Variants in DLG5 observed in about 807,000 individuals in gnomAD.
DLG5 encodes discs large MAGUK scaffold protein 5, also known as disks large homolog 5.
A neutral mutation model predicts 189.8 loss-of-function variants in DLG5; 48 were observed. That is an observed-to-expected ratio of 0.25 (90% CI 0.20 to 0.32). The LOEUF is 0.32. Among genes scored for constraint, DLG5 ranks in the 10% least tolerant of loss-of-function variants. The probability of loss-of-function intolerance (pLI) is 1.00; values close to 1 mark genes in which losing one functional copy is unlikely to be tolerated. For missense variants in DLG5, 2,160 were observed against 2,544.7 expected (o/e 0.85, Z 3.25); for synonymous variants, 1,016 against 1,054.1 (o/e 0.96, Z 0.70).
At chr10:77,932,798 C>CTGTCCTGCTT in the DLG5 span, among the ~76,000 whole-genome samples, 3 of 152,344 alleles carry the variant, frequency 2.0e-5, no homozygotes, top group East Asian at 5.8e-4. Context: ...GAGCTCCACC[C>CTGTCCTGCTT]TGTCCTGCTT....
chr10:77,885,312 C>A (rs10762767), intron 1 of DLG5, among the ~76,000 whole-genome samples: 41,911 of 152,050 alleles, frequency 0.28, 6,431 homozygotes, highest in Non-Finnish European at 0.35. Context: ...CAAGCAAAAT[C>A]TGGACACACA....
chr10:77,902,352 T>C (rs1845950743), intron 1 of DLG5, among the ~76,000 whole-genome samples: 1 of 152,174 alleles, frequency 6.6e-6, no homozygotes, highest in Non-Finnish European at 1.5e-5. Context: ...CAGCAATTTG[T>C]ATCAACAGCC....
At position 77,922,799 on chromosome 10, in the gene DLG5, C is replaced by T. The variant is rs978625757; in HGVS notation, c.304+3418G>A. Among the ~76,000 whole-genome samples the T allele has an allele frequency of 1.4e-3, 214 of 152,218 alleles. 1 individual carries two copies. The highest frequency in any genetic ancestry group is 4.9e-3 in the African/African-American group (204 of 41,452). On this transcript the variant is annotated intron_variant, in intron 1 of 31. Transcript: ENST00000372391. ...GCCCTATCAATACCGGAATAAGAGC[C>T]ACACCTCCAACAAAAAAACCACAAC...
Position 77,796,247 on chromosome 10 carries a change from G to T in DLG5, c.5309-59C>A. 3.7e-6 allele frequency: 6 copies of T among 1,612,312 alleles called. No individual in the cohort carries two copies. Among genetic ancestry groups the T allele is most frequent in the Non-Finnish European group, 5.1e-6 (6 of 1,179,338 alleles). ...CAGGCCCTGCTGAGCCCCAGCAGAG[G>T]GAGCAGGGGAAGAACACTGCTCAGC... is the stretch of plus-strand genomic sequence containing the variant. On this transcript the variant is annotated intron_variant, in intron 28 of 31. Transcript: ENST00000372391. This position sits in a 1 kb window ranked among gnomAD's most constrained non-coding sequence, Gnocchi z 5.2.
At position 77,819,374 on chromosome 10, in the gene DLG5, G is replaced by C; in HGVS notation, c.3618C>G (p.Pro1206=). 6.2e-7 allele frequency: 1 copy of C among 1,614,156 alleles called. No individual in the cohort carries two copies. Among genetic ancestry groups the C allele is most frequent in the Non-Finnish European group, 8.5e-7 (1 of 1,180,038 alleles). Residue 1206 remains proline, a synonymous_variant, in exon 17 of 32, where the codon CCC becomes CCG. Transcript: ENST00000372391. ...IYTVRSHRVG[P]CSSPPAARDA... ...CTCGGGCCGCAGGTGGAGAGCTGCA[G>C]GGGCCGACCCTGTGACTGCGCACAG...
intron 13 of DLG5, among the ~76,000 whole-genome samples, chr10:77,828,174 T>C (rs1564521981): frequency 6.6e-6 from 1 of 152,210 alleles, no homozygotes; most frequent in Non-Finnish European, 1.5e-5. Context: ...GAATGTTAAA[T>C]GTAGAGAACT....
intron 15 of DLG5, 145 bp from the exon 16 acceptor site, chr10:77,820,163 T>C (rs1410443666): frequency 8.9e-7 from 1 of 1,122,744 alleles, no homozygotes; most frequent in African/African-American, 1.6e-5. Context: ...CTGGCCAACA[T>C]GGCGAAATCC....
In DLG5 at chr10:77,822,018, G is replaced by A. The variant is rs76130326; in HGVS notation, c.2466C>T (p.Ala822=). Residue 822 remains alanine, a synonymous_variant, in exon 15 of 32, where the codon GCC becomes GCT. Transcript: ENST00000372391. The part of the protein sequence containing the change: ...KDSDKMLSFR[A]HGPEVQAHNK... ...TATGAGCCTGGACCTCCGGGCCATG[G>A]GCTCGAAAACTCAGCATCTTATCAG... 1,747 of 1,614,222 alleles carry A rather than the reference G, an allele frequency of 1.1e-3. 21 individuals are homozygous for A. The East Asian group carries it at 0.027, about 25-fold the overall frequency.
intron 1 of DLG5, among the ~76,000 whole-genome samples, chr10:77,877,382 T>C (rs1235754033): frequency 6.6e-6 from 1 of 151,824 alleles, no homozygotes; most frequent in Non-Finnish European, 1.5e-5. Flanking sequence ...AAAGGAAAGA[T>C]GGAAGTTTGT....
intron 5 of DLG5, chr10:77,845,171 T>G (rs1470138989): frequency 6.6e-6 from 1 of 152,182 alleles, no homozygotes; most frequent in Non-Finnish European, 1.5e-5. Context: ...GAAGATGAGT[T>G]AAGAGGTTGC....
chr10:77,880,962 CTTTTTTTTTT>C (rs61636782), intron 1 of DLG5, among the ~76,000 whole-genome samples: 10 of 73,278 alleles, frequency 1.4e-4, no homozygotes, highest in South Asian at 6.4e-4. Flanking sequence ...AACCCTAGAC[CTTTTTTTTTT>C]TTTTTTTTTT....
chr10:77,812,117 C>G (rs1338653717), intron 21 of DLG5, 60 bp from the exon 22 acceptor site: 2 of 1,599,556 alleles, frequency 1.3e-6, no homozygotes, highest in Non-Finnish European at 1.7e-6. Flanking sequence ...GGGAGGAGGC[C>G]CTGGGGACTT....
chr10:77,912,688 T>C (rs538047367), intron 1 of DLG5: 1 of 152,238 alleles, frequency 6.6e-6, no homozygotes, highest in Non-Finnish European at 1.5e-5. Context: ...CTATGTGTCT[T>C]TTTTAAAAGC....
chr10:77,833,607 T>C (rs1842980211), intron 9 of DLG5, among the ~76,000 whole-genome samples: 1 of 152,228 alleles, frequency 6.6e-6, no homozygotes, highest in Admixed American at 6.5e-5. Flanking sequence ...AACACATGCA[T>C]GCCTGCCCCA....
intron 1 of DLG5, among the ~76,000 whole-genome samples, chr10:77,923,505 C>A (rs1219189832): frequency 1.3e-5 from 2 of 152,234 alleles, no homozygotes; most frequent in African/African-American, 2.4e-5. Context: ...CGCCTGTAAT[C>A]CCAACACTTT....
intron 7 of DLG5, among the ~76,000 whole-genome samples, chr10:77,838,260 C>CT (rs1843246607): frequency 6.6e-6 from 1 of 152,166 alleles, no homozygotes; most frequent in African/African-American, 2.4e-5. Context: ...CAGGGCCCGT[C>CT]TAGGAAAGTG....
chr10:77,874,781 G>A (rs1039709845), intron 1 of DLG5, among the ~76,000 whole-genome samples: 5 of 152,120 alleles, frequency 3.3e-5, no homozygotes, highest in Non-Finnish European at 7.3e-5. Context: ...TCGCATAGCC[G>A]GTACTCTAAG....
At chr10:77,807,004 G>A in intron 25 of DLG5, 76 bp from the exon 26 acceptor site, 1 of 1,515,324 alleles carries the variant, frequency 6.6e-7, no homozygotes. Context: ...TCTGTGGCCA[G>A]GCCCCTAAGG....
At chr10:77,815,466 C>T (rs1370346414) in intron 20 of DLG5, among the ~76,000 whole-genome samples, 1 of 152,154 alleles carries the variant, frequency 6.6e-6, no homozygotes, top group African/African-American at 2.4e-5. Flanking sequence ...TCAAGATAAG[C>T]TTGACCAACA....
Sources: allele counts gnomAD v4.1 joint callset (sites outside exome capture counted in the v4.1 genomes callset), GRCh38; gene constraint gnomAD v4.1.1; non-coding constraint Gnocchi (gnomAD v3.1); transcripts MANE v1.5; gene names NCBI Gene and HGNC (gene_info 2026-07-23, HGNC 2026-07-21).